Variants in C9 observed in about 807,000 individuals in gnomAD.
C9 encodes the protein complement component C9.
Under a neutral mutation model 65.4 loss-of-function variants are expected in C9, and 63 were observed. That is an observed-to-expected ratio of 0.96 (90% confidence interval 0.79 to 1.19). The LOEUF (loss-of-function observed/expected upper bound fraction) is 1.19. Among genes scored for constraint, C9 ranks in the 50% most tolerant of loss-of-function variants. The pLI is 0.00. For synonymous variants in C9, 229 were observed against 227.9 expected, an observed-to-expected ratio of 1.00 and a Z score of -0.04; for missense variants, 744 against 670.1, an observed-to-expected ratio of 1.11 and a Z score of -1.22.
intron 4 of C9, among the ~76,000 whole-genome samples, chr5:39,333,368 G>A (rs1579864415): frequency 6.6e-6 from 1 of 152,116 alleles, no homozygotes; most frequent in Non-Finnish European, 1.5e-5. Flanking sequence ...GAATGAAGAG[G>A]CCTCATTCAT....
At chr5:39,342,042 TAC>T (rs1416594839) in intron 2 of C9, 47 bp downstream of exon 2, 2 of 1,032,490 alleles carry the variant, frequency 1.9e-6, no homozygotes, top group Non-Finnish European at 3.1e-6. Flanking sequence ...AGGCTAGCAA[TAC>T]AGTTTCCATT....
intron 5 of C9, among the ~76,000 whole-genome samples, chr5:39,331,138 G>A (rs1377988839): frequency 2.0e-5 from 3 of 152,186 alleles, no homozygotes; most frequent in African/African-American, 7.2e-5. Context: ...CATTGTTCTA[G>A]AGAATTAGGT....
chr5:39,348,964 T>C (rs1326408845), intron 1 of C9, among the ~76,000 whole-genome samples: 1 of 129,428 alleles, frequency 7.7e-6, no homozygotes, highest in East Asian at 2.2e-4. Context: ...AGGTAGGGAT[T>C]GAGCAATGAG....
rs547888483 is a variant in C9, at chr5:39,287,937, C to A, written c.1645+786G>T. On this transcript the variant is annotated intron_variant, in intron 10 of 10. Coordinates refer to ENST00000263408, the MANE Select transcript of C9 (RefSeq NM_001737.5). ...CAAAGCTTATCATTATGCAATATATCCTTGTAACAAACCTTCACATGTACC... is the reference window on the plus strand; with the variant it reads ...CAAAGCTTATCATTATGCAATATATACTTGTAACAAACCTTCACATGTACC... 6.6e-5 allele frequency among the ~76,000 whole-genome samples: 10 copies of A among 151,910 alleles called. No homozygotes were observed. In the South Asian group the frequency reaches 2.1e-3, roughly 32 times the overall value.
Position 39,342,150 on chromosome 5 carries a change from C to T in C9, c.124G>A (p.Asp42Asn), listed in dbSNP as rs756049657. Residue 42 changes from aspartate (D) to asparagine (N), a missense_variant, in exon 2 of 11, where the codon GAC (aspartate) becomes AAC (asparagine). Asp to Asn is a conservative substitution (Grantham distance 23). Transcript: ENST00000263408. Reference protein sequence around the residue: ...TESSGSASHIDCRMSPWSEWS... With the variant: ...TESSGSASHINCRMSPWSEWS... ...TCACTCCAGGGGCTCATTCTGCAGT[C>T]TATGTGTGATGCAGAGCCACTGCTT... 1 of 1,610,146 alleles carries T rather than the reference C, an allele frequency of 6.2e-7. No homozygotes were observed. The highest frequency in any genetic ancestry group is 1.1e-5 in the South Asian group (1 of 91,018).
Position 39,343,090 on chromosome 5 carries a change from C to T in C9, c.78-894G>A, listed in dbSNP as rs115865511. 7.9e-3 allele frequency among the ~76,000 whole-genome samples: 1,202 copies of T among 152,274 alleles called. 15 individuals carry two copies. Among genetic ancestry groups the T allele is most frequent in the African/African-American group, 0.026 (1,088 of 41,542 alleles). On this transcript the variant is annotated intron_variant, in intron 1 of 10. Coordinates refer to ENST00000263408, the MANE Select transcript of C9 (RefSeq NM_001737.5). ...GAACAGGAACAGCTCGTTTACAGCT[C>T]CCAGCGTGAGTGACGGAGAAGTCAG...
At chr5:39,294,737 T>C (rs1244823563) in intron 9 of C9, among the ~76,000 whole-genome samples, 1 of 151,476 alleles carries the variant, frequency 6.6e-6, no homozygotes. Flanking sequence ...AACCCTGATA[T>C]CAAAACCAGA....
At position 39,288,758 on chromosome 5, in the gene C9, A is replaced by G; in HGVS notation, c.1610T>C (p.Ile537Thr). 1 of 1,611,942 alleles carries G rather than the reference A, an allele frequency of 6.2e-7. No homozygotes were observed. The highest frequency in any genetic ancestry group is 8.5e-7 in the Non-Finnish European group (1 of 1,178,470). Residue 537 changes from isoleucine (I) to threonine (T), a missense_variant, in exon 10 of 11, where the codon ATT becomes ACT. Physicochemically the swap from Ile to Thr is moderately conservative, Grantham distance 89. Transcript: ENST00000263408. Reference protein sequence around the residue: ...LCACPFKFEGIACEISKQKIS... With the variant: ...LCACPFKFEGTACEISKQKIS... ...TTTTTGTTTACTGATTTCACAGGCA[A>G]TTCCCTCAAATTTGAATGGGCAGGC...
chr5:39,326,628 A>T (rs2111918927), intron 5 of C9, among the ~76,000 whole-genome samples: 1 of 152,336 alleles, frequency 6.6e-6, no homozygotes, highest in South Asian at 2.1e-4. Flanking sequence ...CCTGCCTATG[A>T]CTTCAACCCT....
At chr5:39,363,935 G>C (rs189753856) in intron 1 of C9, among the ~76,000 whole-genome samples, 27 of 152,298 alleles carry the variant, frequency 1.8e-4, no homozygotes, top group Admixed American at 1.6e-3. Context: ...GATGTCAAGG[G>C]AAAGAAACAA....
chr5:39,293,331 T>C (rs1267770391), intron 9 of C9, among the ~76,000 whole-genome samples: 1 of 151,910 alleles, frequency 6.6e-6, no homozygotes, highest in Non-Finnish European at 1.5e-5. Flanking sequence ...ACTTCACCTG[T>C]AAAGACATAC....
chr5:39,310,884 A>C (rs1305793560), intron 7 of C9, among the ~76,000 whole-genome samples: 1 of 152,164 alleles, frequency 6.6e-6, no homozygotes, highest in Admixed American at 6.5e-5. Context: ...ATAGATGTGA[A>C]GCTGCAATAC....
chr5:39,363,869 A>G (rs1408971916), intron 1 of C9, among the ~76,000 whole-genome samples: 1 of 152,240 alleles, frequency 6.6e-6, no homozygotes, highest in Non-Finnish European at 1.5e-5. Context: ...TGGAAGAAAT[A>G]TGACCTAAAT....
At chr5:39,324,535 C>T (rs1041707487) in intron 5 of C9, among the ~76,000 whole-genome samples, 4 of 152,104 alleles carry the variant, frequency 2.6e-5, no homozygotes, top group Non-Finnish European at 5.9e-5. Context: ...GTCAGGGTAT[C>T]AATTAGGATG....
chr5:39,309,513 G>C (rs534668049), intron 7 of C9, among the ~76,000 whole-genome samples: 2 of 152,174 alleles, frequency 1.3e-5, no homozygotes, highest in East Asian at 3.9e-4. Flanking sequence ...GAAGAGAGAG[G>C]ATAAAAATCG....
intron 3 of C9, 127 bp from the exon 4 acceptor site, chr5:39,341,420 A>G: frequency 7.1e-7 from 1 of 1,417,630 alleles, no homozygotes. Flanking sequence ...TTCTTTGTAC[A>G]GAATATATAG....
chr5:39,312,620 C>T (rs155375), intron 6 of C9, among the ~76,000 whole-genome samples: 59,400 of 151,864 alleles, frequency 0.39, 12,492 homozygotes, highest in East Asian at 0.57. Flanking sequence ...TTACCTTTCC[C>T]GGAGAAAACT....
chr5:39,312,271 C>T (rs1305221810), intron 6 of C9, among the ~76,000 whole-genome samples: 1 of 152,132 alleles, frequency 6.6e-6, no homozygotes, highest in Admixed American at 6.6e-5. Flanking sequence ...AAACTATACA[C>T]TTAAAATCTT....
At chr5:39,342,794 A>G (rs929336024) in intron 1 of C9, among the ~76,000 whole-genome samples, 1 of 152,104 alleles carries the variant, frequency 6.6e-6, no homozygotes. Context: ...GAGTTTTAAC[A>G]TCATATATTT....
Sources: allele counts gnomAD v4.1 joint callset (sites outside exome capture counted in the v4.1 genomes callset), GRCh38; gene constraint gnomAD v4.1.1; transcripts MANE v1.5; gene names NCBI Gene and HGNC (gene_info 2026-07-23, HGNC 2026-07-21).